GRM5: variants seen among roughly 807,000 people sequenced by gnomAD.
The protein encoded by GRM5 is glutamate metabotropic receptor 5.
A neutral mutation model predicts 83.1 loss-of-function variants in GRM5; 19 were observed. The ratio of observed to expected loss-of-function variants is 0.23; its 90% CI spans 0.16 to 0.34. The LOEUF is 0.34. GRM5 is among the 10% of genes least tolerant of loss of function. The probability of loss-of-function intolerance (pLI) is 1.00; values close to 1 mark genes in which losing one functional copy is unlikely to be tolerated. For missense variants in GRM5, 1,160 were observed against 1,588.3 expected (o/e 0.73, Z 4.58); for synonymous variants, 675 against 633.6 (o/e 1.07, Z -0.98).
At position 88,552,033 on chromosome 11, in the gene GRM5, CT is replaced by C. The variant is rs5793334; in HGVS notation, c.2630+15019del. On this transcript the variant is annotated intron_variant, in intron 8 of 9. Coordinates refer to ENST00000305447, the MANE Select transcript of GRM5 (RefSeq NM_001143831.3). The stretch of plus-strand genomic sequence containing the variant: ...TTTTTCCAACTTTTAAATGTCACAT[CT>C]TTTTTTTTTTTTGAGTCAGGATCTT... Among the ~76,000 whole-genome samples, 393 of 145,778 alleles carry C rather than the reference CT, an allele frequency of 2.7e-3. 1 individual carries two copies. The East Asian group carries it at 0.047, about 17-fold the overall frequency.
At chr11:88,783,591 AT>A (rs1288878885) in intron 3 of GRM5, among the ~76,000 whole-genome samples, 15 of 152,032 alleles carry the variant, frequency 9.9e-5, no homozygotes, top group Admixed American at 2.0e-4. Context: ...AATAACCATG[AT>A]TTTCCAAGAG....
At chr11:88,872,718 G>A (rs1430593696) in intron 2 of GRM5, among the ~76,000 whole-genome samples, 2 of 150,984 alleles carry the variant, frequency 1.3e-5, no homozygotes, top group Non-Finnish European at 3.0e-5. Context: ...GCAATTGTGA[G>A]GTATTGAATA....
At chr11:88,744,896 T>C (rs1024124408) in intron 3 of GRM5, among the ~76,000 whole-genome samples, 3 of 152,192 alleles carry the variant, frequency 2.0e-5, no homozygotes, top group Non-Finnish European at 4.4e-5. Context: ...AATATGTATC[T>C]ATATGCTTAC....
Position 88,677,107 on chromosome 11 carries a change from TTA to T in GRM5, c.912-23706_912-23705del, listed in dbSNP as rs138580152. Among the ~76,000 whole-genome samples the T allele has an allele frequency of 5.3e-3, 799 of 152,170 alleles. 2 individuals are homozygous for T. The highest frequency in any genetic ancestry group is 0.018 in the African/African-American group (744 of 41,556). On this transcript the variant is annotated intron_variant, in intron 3 of 9. Coordinates refer to ENST00000305447, the MANE Select transcript of GRM5 (RefSeq NM_001143831.3). ...GCCACCTATAATTTCATATTTGTAT[TTA>T]TGTTAATGTCCAGTAAAGTTAATTT...
At chr11:88,932,462 T>C (rs1276298839) in intron 2 of GRM5, among the ~76,000 whole-genome samples, 2 of 151,992 alleles carry the variant, frequency 1.3e-5, no homozygotes, top group Non-Finnish European at 2.9e-5. Context: ...ATTTTCATAA[T>C]ATGTGTAAGT....
At chr11:88,840,961 C>G (rs12788490) in intron 3 of GRM5, among the ~76,000 whole-genome samples, 44,427 of 151,940 alleles carry the variant, frequency 0.29, 7,266 homozygotes, top group Non-Finnish European at 0.38. Flanking sequence ...TCTAAATGTC[C>G]AGGTCTTCTT....
chr11:89,022,930 T>C (rs1018959179), intron 2 of GRM5, among the ~76,000 whole-genome samples: 7 of 152,098 alleles, frequency 4.6e-5, no homozygotes, highest in African/African-American at 1.7e-4. Context: ...TTGTAGGAAA[T>C]CTGTTTAAAA....
At chr11:88,601,171 T>A (rs1301733997) in intron 5 of GRM5, among the ~76,000 whole-genome samples, 5 of 152,222 alleles carry the variant, frequency 3.3e-5, no homozygotes, top group South Asian at 4.1e-4. Context: ...CTTGGACATG[T>A]CTCTTTCTTT....
At chr11:88,847,519 A>T (rs1944320012) in intron 3 of GRM5, among the ~76,000 whole-genome samples, 1 of 152,194 alleles carries the variant, frequency 6.6e-6, no homozygotes, top group Non-Finnish European at 1.5e-5. Flanking sequence ...GGATATTTCA[A>T]AGAGAAGTTG....
intron 4 of GRM5, among the ~76,000 whole-genome samples, chr11:88,630,300 G>A (rs1207381262): frequency 2.0e-5 from 3 of 152,056 alleles, no homozygotes; most frequent in Non-Finnish European, 4.4e-5. Flanking sequence ...ATTTTTGTCT[G>A]TTTTGTTTAC....
intron 3 of GRM5, among the ~76,000 whole-genome samples, chr11:88,826,110 G>A (rs908946304): frequency 6.6e-6 from 1 of 152,084 alleles, no homozygotes; most frequent in Admixed American, 6.5e-5. Context: ...AATGCGGGAG[G>A]TCTTGAATGG....
chr11:88,833,296 T>C (rs910038357), intron 3 of GRM5, among the ~76,000 whole-genome samples: 1 of 150,402 alleles, frequency 6.6e-6, no homozygotes, highest in Non-Finnish European at 1.5e-5. Context: ...CCCCCCAAAA[T>C]ACAAATAATT....
chr11:88,771,614 T>G (rs1027122974), intron 3 of GRM5, among the ~76,000 whole-genome samples: 1 of 152,026 alleles, frequency 6.6e-6, no homozygotes, highest in Admixed American at 6.6e-5. Flanking sequence ...ACATTGAGGG[T>G]CTTCCTCTCC....
chr11:88,783,546 G>A (rs1943013123), intron 3 of GRM5, among the ~76,000 whole-genome samples: 1 of 152,086 alleles, frequency 6.6e-6, no homozygotes, highest in Non-Finnish European at 1.5e-5. Flanking sequence ...CATAGTTTGA[G>A]CAGCAACCAT....
At chr11:88,778,089 T>C (rs1942896803) in intron 3 of GRM5, among the ~76,000 whole-genome samples, 1 of 151,936 alleles carries the variant, frequency 6.6e-6, no homozygotes, top group Non-Finnish European at 1.5e-5. Context: ...GTAGGCCTTG[T>C]TGACCTGTGA....
At chr11:88,593,749 G>C (rs934908143) in intron 6 of GRM5, among the ~76,000 whole-genome samples, 9 of 135,732 alleles carry the variant, frequency 6.6e-5, no homozygotes, top group South Asian at 2.5e-4. Flanking sequence ...TCCCTCCTTC[G>C]CTCCCTCCCT....
Position 89,023,885 on chromosome 11 carries a change from AT to A in GRM5, c.661+23326del, listed in dbSNP as rs1941057938. 5.4e-5 allele frequency among the ~76,000 whole-genome samples: 8 copies of A among 149,296 alleles called. No individual in the cohort carries two copies. In the South Asian group the frequency reaches 1.3e-3, roughly 24 times the overall value. On this transcript the variant is annotated intron_variant, in intron 2 of 9. Coordinates refer to ENST00000305447, the MANE Select transcript of GRM5 (RefSeq NM_001143831.3). The stretch of plus-strand genomic sequence containing the variant: ...AATAAATAAATAAATAAATAAATAA[AT>A]AAATAAATAAAAATAAATTTTAAAA...
At chr11:88,714,302 G>T (rs1425721153) in intron 3 of GRM5, among the ~76,000 whole-genome samples, 2 of 151,882 alleles carry the variant, frequency 1.3e-5, no homozygotes, top group East Asian at 3.9e-4. Flanking sequence ...GGGAGGGGTA[G>T]GAAGGTTTCT....
chr11:88,562,482 A>T (rs1352286138), intron 8 of GRM5, among the ~76,000 whole-genome samples: 1 of 152,132 alleles, frequency 6.6e-6, no homozygotes, highest in Non-Finnish European at 1.5e-5. Flanking sequence ...GTATTTTATG[A>T]CAATTAGAAA....
Sources: gnomAD v4.1 joint callset for allele counts (sites outside exome capture counted in the v4.1 genomes callset) on GRCh38, gnomAD v4.1.1 for gene constraint, MANE v1.5 for transcripts, NCBI Gene and HGNC (gene_info 2026-07-23, HGNC 2026-07-21) for gene names.